DNTTIP1: variants seen among roughly 807,000 people sequenced by gnomAD.
DNTTIP1 encodes the protein deoxynucleotidyltransferase terminal interacting protein 1.
DNTTIP1 carries 22 observed loss-of-function variants against 52.9 expected under a neutral mutation model. The ratio of observed to expected loss-of-function variants is 0.42; its 90% CI spans 0.30 to 0.59. The LOEUF (loss-of-function observed/expected upper bound fraction) is 0.59. Ranked by LOEUF, DNTTIP1 falls within the 20% of genes least tolerant of loss-of-function variation. The pLI, the probability that DNTTIP1 is intolerant of heterozygous loss-of-function variation, is 0.22. For missense variants in DNTTIP1, 286 were observed against 435.5 expected (o/e 0.66, Z 3.06); for synonymous variants, 136 against 155.1 (o/e 0.88, Z 0.92).
At chr20:45,795,315 C>G in intron 3 of DNTTIP1, 30 bp from the exon 4 acceptor site, 2 of 1,423,334 alleles carry the variant, frequency 1.4e-6, no homozygotes, top group East Asian at 2.4e-5. Flanking sequence ...TAACAGGACT[C>G]TGACCTTGTC....
At chr20:45,798,307 G>T (rs994183683) in intron 4 of DNTTIP1, among the ~76,000 whole-genome samples, 2 of 141,836 alleles carry the variant, frequency 1.4e-5, no homozygotes, top group Admixed American at 7.2e-5. Flanking sequence ...ACAGGAAAGG[G>T]AACATCAGAC....
At chr20:45,803,786 A>T (rs1172871434) in intron 8 of DNTTIP1, among the ~76,000 whole-genome samples, 3 of 152,204 alleles carry the variant, frequency 2.0e-5, no homozygotes, top group Non-Finnish European at 2.9e-5. Context: ...GTGGGCATAA[A>T]TTATTTTATT....
chr20:45,793,438 G>A (rs549130004), intron 2 of DNTTIP1, among the ~76,000 whole-genome samples: 1 of 151,994 alleles, frequency 6.6e-6, no homozygotes, highest in African/African-American at 2.4e-5. Flanking sequence ...GGTGGCTCAC[G>A]CCTGTAATCC....
intron 4 of DNTTIP1, among the ~76,000 whole-genome samples, chr20:45,798,113 A>G (rs1044199516): frequency 1.3e-5 from 2 of 152,256 alleles, no homozygotes; most frequent in Non-Finnish European, 2.9e-5. Flanking sequence ...CTGGATTAAG[A>G]AAATGTGGCA....
rs763728435 is a variant in DNTTIP1 at position 45,793,975 on chromosome 20, C to T, written c.231C>T (p.Ser77=). ...MDLLRAVLQP[S]INEEIQTVFN... is the part of the protein sequence containing the mutation. ...TCCTCCGAGCTGTCCTGCAGCCCAG[C>T]ATCAACGAGGAGATCCAGACTGTCT... The change falls in exon 3 of 13, where the codon AGC becomes AGT. Residue 77 remains serine, a synonymous_variant. Transcript: ENST00000372622. 2 of 1,601,210 alleles carry T rather than the reference C, an allele frequency of 1.2e-6. No individual in the cohort carries two copies. Among genetic ancestry groups the T allele is most frequent in the Non-Finnish European group, 1.7e-6 (2 of 1,173,842 alleles).
intron 7 of DNTTIP1, chr20:45,803,025 T>C (rs1456641807): frequency 2.9e-6 from 1 of 344,148 alleles, no homozygotes; most frequent in East Asian, 5.7e-5. Context: ...ACGAAGCAGT[T>C]TTATTCCTCA....
At chr20:45,794,516 T>TA (rs1568705000) in intron 3 of DNTTIP1, among the ~76,000 whole-genome samples, 2 of 150,980 alleles carry the variant, frequency 1.3e-5, no homozygotes, top group African/African-American at 2.4e-5. Context: ...CCTTTTTTTT[T>TA]TAAAATCTGC....
At chr20:45,810,986 A>C in intron 12 of DNTTIP1, 46 bp downstream of exon 12, 1 of 1,613,822 alleles carries the variant, frequency 6.2e-7, no homozygotes, top group Non-Finnish European at 8.5e-7. Flanking sequence ...CCTGCCTCCA[A>C]ATAGCCCCTA....
chr20:45,792,210 A>G, intron 1 of DNTTIP1, 101 bp downstream of exon 1: 1 of 719,634 alleles, frequency 1.4e-6, no homozygotes, highest in Non-Finnish European at 1.9e-6. Flanking sequence ...CTGGAGCTGC[A>G]GAGGGGGTTG....
rs1348610538 is a variant in DNTTIP1, at chr20:45,793,935, C to T, written c.191C>T (p.Ala64Val). Residue 64 changes from alanine to valine, a missense_variant, in exon 3 of 13, where the codon GCC becomes GTC. Ala to Val is a moderately conservative substitution (Grantham distance 64). Transcript: ENST00000372622. ...CCTGAATGCAGTTTCACAGATCCTG[C>T]CATCTCCATGGATCTCCTCCGAGCT... ...SQMTTSFTDP[A>V]ISMDLLRAVL... 6.3e-7 allele frequency: 1 copy of T among 1,592,444 alleles called. No homozygotes were observed. The highest frequency in any genetic ancestry group is 8.6e-7 in the Non-Finnish European group (1 of 1,168,872).
intron 7 of DNTTIP1, among the ~76,000 whole-genome samples, chr20:45,802,625 AC>A (rs1339558076): frequency 5.3e-5 from 8 of 152,102 alleles, no homozygotes; most frequent in Non-Finnish European, 1.0e-4. Flanking sequence ...TACATTTGTT[AC>A]ATTTGATGAG....
At chr20:45,808,331 G>A (rs998774784) in intron 10 of DNTTIP1, among the ~76,000 whole-genome samples, 5 of 151,626 alleles carry the variant, frequency 3.3e-5, no homozygotes, top group East Asian at 1.9e-4. Context: ...ACAACAGAGC[G>A]AGACGTCATC....
chr20:45,805,576 G>A (rs1981610341), intron 10 of DNTTIP1, among the ~76,000 whole-genome samples: 1 of 152,022 alleles, frequency 6.6e-6, no homozygotes, highest in African/African-American at 2.4e-5. Context: ...ATGCTTACTG[G>A]GTGCCAAACA....
At chr20:45,793,124 T>G (rs1186092419) in intron 2 of DNTTIP1, among the ~76,000 whole-genome samples, 1 of 152,180 alleles carries the variant, frequency 6.6e-6, no homozygotes, top group African/African-American at 2.4e-5. Flanking sequence ...TTTTCTCAAC[T>G]ATAAAGAGGG....
At position 45,793,993 on chromosome 20, in the gene DNTTIP1, G is replaced by C; in HGVS notation, c.249G>C (p.Gln83His). 6.3e-7 allele frequency: 1 copy of C among 1,597,770 alleles called. No individual in the cohort carries two copies. The highest frequency in any genetic ancestry group is 8.5e-7 in the Non-Finnish European group (1 of 1,171,974). The part of the protein sequence containing the change: ...VLQPSINEEI[Q>H]TVFNKYMKFF... ...AGCCCAGCATCAACGAGGAGATCCAGACTGTCTTCAACAAGTACATGAAGG... is the reference window on the plus strand; with the variant it reads ...AGCCCAGCATCAACGAGGAGATCCACACTGTCTTCAACAAGTACATGAAGG... The change falls in exon 3 of 13, where the codon CAG becomes CAC. Residue 83 changes from glutamine to histidine, a missense_variant. Transcript: ENST00000372622.
intron 8 of DNTTIP1, 138 bp from the exon 9 acceptor site, chr20:45,805,008 A>G (rs1981585650): frequency 1.3e-6 from 1 of 771,146 alleles, no homozygotes; most frequent in Admixed American, 1.9e-5. Flanking sequence ...GCATATTGTG[A>G]GTACTCAGTG....
intron 4 of DNTTIP1, 32 bp downstream of exon 4, chr20:45,795,475 C>G (rs753811767): frequency 7.4e-7 from 1 of 1,353,748 alleles, no homozygotes; most frequent in Non-Finnish European, 1.0e-6. Context: ...GATGCAGGCA[C>G]AAGGTTTAGC....
At chr20:45,802,090 A>AGGG in intron 7 of DNTTIP1, 33 bp downstream of exon 7, 1 of 1,612,284 alleles carries the variant, frequency 6.2e-7, no homozygotes, top group Non-Finnish European at 8.5e-7. Context: ...GTGAGAGCAT[A>AGGG]GGGGAGCAGA....
rs565737059 is a variant in DNTTIP1 at position 45,810,877 on chromosome 20, TG to T, written c.796-7del. On this transcript the variant is annotated splice_polypyrimidine_tract_variant and splice_region_variant and intron_variant, in intron 11 of 12. Transcript: ENST00000372622. ...GGCAATGACCACTCTCCCTTGCTCC[TG>T]CCTCAGGCCTACCTCCTCATCGAGG... 1 of 1,614,118 alleles carries T rather than the reference TG, an allele frequency of 6.2e-7. No homozygotes were observed. The highest frequency in any genetic ancestry group is 1.1e-5 in the South Asian group (1 of 91,078).
Sources: allele counts gnomAD v4.1 joint callset (sites outside exome capture counted in the v4.1 genomes callset), GRCh38; gene constraint gnomAD v4.1.1; transcripts MANE v1.5; gene names NCBI Gene and HGNC (gene_info 2026-07-23, HGNC 2026-07-21).